NXPH2: variants seen among roughly 807,000 people sequenced by gnomAD.
The protein encoded by NXPH2 is neurexophilin 2, also known as neurexophilin-2.
In NXPH2, 5 loss-of-function variants were observed where a neutral mutation model predicts 19.8. The observed-to-expected ratio is 0.25, with a 90% CI of 0.13 to 0.53. The LOEUF is 0.53. Among genes scored for constraint, NXPH2 ranks in the 20% least tolerant of loss-of-function variants. NXPH2 has a pLI of 0.96. For synonymous variants in NXPH2, 154 were observed against 127.4 expected, an observed-to-expected ratio of 1.21 and a Z score of -1.41; for missense variants, 289 against 322.8, an observed-to-expected ratio of 0.90 and a Z score of 0.80.
chr2:138,728,892 A>T (rs571150966), intron 1 of NXPH2, among the ~76,000 whole-genome samples: 1 of 152,344 alleles, frequency 6.6e-6, no homozygotes, highest in South Asian at 2.1e-4. Flanking sequence ...ATGCAAACAC[A>T]GTCAAAGTTT....
At chr2:138,705,959 C>G (rs771964077) in intron 1 of NXPH2, among the ~76,000 whole-genome samples, 23 of 152,126 alleles carry the variant, frequency 1.5e-4, no homozygotes, top group Non-Finnish European at 7.4e-5. Flanking sequence ...TTCATATTCC[C>G]CATAAAAATG....
chr2:138,734,854 G>A (rs1370812560), intron 1 of NXPH2, among the ~76,000 whole-genome samples: 1 of 152,194 alleles, frequency 6.6e-6, no homozygotes, highest in Non-Finnish European at 1.5e-5. Context: ...AGAATTCAGT[G>A]TAGGGTAAAC....
intron 1 of NXPH2, among the ~76,000 whole-genome samples, chr2:138,763,533 A>G (rs1181343935): frequency 6.6e-6 from 1 of 152,226 alleles, no homozygotes; most frequent in East Asian, 1.9e-4. Context: ...ATTTACTTCC[A>G]AAGGGCAAAC....
At chr2:138,769,636 G>T (rs1682145490) in intron 1 of NXPH2, among the ~76,000 whole-genome samples, 1 of 152,100 alleles carries the variant, frequency 6.6e-6, no homozygotes, top group African/African-American at 2.4e-5. Context: ...TTTTCCCCAT[G>T]TGCACCCAAT....
intron 1 of NXPH2, among the ~76,000 whole-genome samples, chr2:138,714,672 C>A (rs1421423589): frequency 6.6e-6 from 1 of 152,142 alleles, no homozygotes; most frequent in Non-Finnish European, 1.5e-5. Context: ...TCCAAGTCCA[C>A]CTTCTGGGAT....
chr2:138,720,106 A>G (rs1681253849), intron 1 of NXPH2, among the ~76,000 whole-genome samples: 1 of 152,036 alleles, frequency 6.6e-6, no homozygotes, highest in African/African-American at 2.4e-5. Flanking sequence ...TTCTGGGATT[A>G]GATGAAACAT....
chr2:138,737,172 C>T (rs1429515351), intron 1 of NXPH2, among the ~76,000 whole-genome samples: 1 of 152,192 alleles, frequency 6.6e-6, no homozygotes, highest in South Asian at 2.1e-4. Context: ...GCATCCTACT[C>T]CTGGTACCAA....
chr2:138,720,194 C>T (rs953316203), intron 1 of NXPH2, among the ~76,000 whole-genome samples: 8 of 151,580 alleles, frequency 5.3e-5, no homozygotes, highest in African/African-American at 1.5e-4. Context: ...GGTCAATCGC[C>T]ACCACTGGAA....
At chr2:138,699,660 G>A (rs887507512) in intron 1 of NXPH2, among the ~76,000 whole-genome samples, 3 of 152,132 alleles carry the variant, frequency 2.0e-5, no homozygotes, top group East Asian at 1.9e-4. Flanking sequence ...TGCTGGGCCA[G>A]GCTTCTGAGA....
chr2:138,707,746 T>C (rs920423494), intron 1 of NXPH2, among the ~76,000 whole-genome samples: 2 of 152,140 alleles, frequency 1.3e-5, no homozygotes, highest in Non-Finnish European at 2.9e-5. Context: ...CTGGTGGTGG[T>C]GTTCTTTTTG....
Position 138,705,347 on chromosome 2 carries a change from T to C in NXPH2, c.52-33682A>G, listed in dbSNP as rs144336376. On this transcript the variant is annotated intron_variant, in intron 1 of 1. Transcript: ENST00000272641. ...GGAATTCTCATATTAAATATACGTA[T>C]ATTTTAAGTCATGTCTGAGGCATTT... 3.9e-5 allele frequency among the ~76,000 whole-genome samples: 6 copies of C among 152,302 alleles called. No homozygotes were observed. The South Asian group carries it at 8.3e-4, about 21-fold the overall frequency.
At position 138,732,804 on chromosome 2, in the gene NXPH2, T is replaced by C. The variant is rs578154247; in HGVS notation, c.51+47387A>G. On this transcript the variant is annotated intron_variant, in intron 1 of 1. Transcript: ENST00000272641. ...TGTACCTCTTCCTGGTTCCATTCCT[T>C]ATTCTTCCTATTCCACTTTTAGAGG... 3.3e-5 allele frequency among the ~76,000 whole-genome samples: 5 copies of C among 152,330 alleles called. No individual in the cohort carries two copies. In the East Asian group the frequency reaches 5.8e-4, roughly 18 times the overall value.
chr2:138,721,092 A>G (rs897180589), intron 1 of NXPH2, among the ~76,000 whole-genome samples: 7 of 152,162 alleles, frequency 4.6e-5, no homozygotes, highest in Non-Finnish European at 7.3e-5. Flanking sequence ...CTGTAATCCC[A>G]GCACTTTGGG....
chr2:138,671,187 A>G lies in NXPH2; in HGVS notation c.530T>C (p.Leu177Ser), dbSNP rs773141410. 7 of 1,613,948 alleles carry G rather than the reference A, an allele frequency of 4.3e-6. No homozygotes were observed. The highest frequency in any genetic ancestry group is 5.9e-6 in the Non-Finnish European group (7 of 1,179,872). ...VEFEVSPQST[L>S]ETKESKSFNC... ...GAAAGATTTGGATTCCTTGGTCTCC[A>G]AGGTAGACTGGGGGGAAACTTCAAA... Residue 177 changes from leucine (L) to serine (S), a missense_variant, in exon 2 of 2, where the codon TTG becomes TCG. Transcript: ENST00000272641.
At chr2:138,720,767 C>A (rs548871909) in intron 1 of NXPH2, among the ~76,000 whole-genome samples, 1 of 152,282 alleles carries the variant, frequency 6.6e-6, no homozygotes, top group South Asian at 2.1e-4. Flanking sequence ...ATCTTGGGGT[C>A]TCTGAGCTTC....
chr2:138,736,306 A>G (rs1008379228), intron 1 of NXPH2, among the ~76,000 whole-genome samples: 2 of 152,200 alleles, frequency 1.3e-5, no homozygotes, highest in Non-Finnish European at 2.9e-5. Flanking sequence ...AAGCATTTCC[A>G]TACATCCTCT....
At position 138,671,195 on chromosome 2, in the gene NXPH2, C is replaced by T; in HGVS notation, c.522G>A (p.Gln174=). The change falls in exon 2 of 2, where the codon CAG becomes CAA. Residue 174 remains glutamine (Q), a synonymous_variant. Coordinates refer to ENST00000272641, the MANE Select transcript of NXPH2 (RefSeq NM_007226.3). ...TGGATTCCTTGGTCTCCAAGGTAGA[C>T]TGGGGGGAAACTTCAAATTCCACCA... ...SKVVEFEVSP[Q]STLETKESKS... is the part of the protein sequence containing the mutation. The T allele has an allele frequency of 6.2e-7, 1 of 1,613,906 alleles. No individual in the cohort carries two copies. The highest frequency in any genetic ancestry group is 8.5e-7 in the Non-Finnish European group (1 of 1,179,868).
At chr2:138,693,333 T>A (rs1386721890) in intron 1 of NXPH2, among the ~76,000 whole-genome samples, 2 of 152,128 alleles carry the variant, frequency 1.3e-5, no homozygotes, top group African/African-American at 2.4e-5. Context: ...ATTGAAAACA[T>A]AAGCTAAGAC....
chr2:138,756,558 T>A (rs1277168232), intron 1 of NXPH2, among the ~76,000 whole-genome samples: 3 of 152,144 alleles, frequency 2.0e-5, no homozygotes, highest in African/African-American at 7.2e-5. Flanking sequence ...TTTAACTGAA[T>A]TTTTATGAAA....
Sources: allele counts gnomAD v4.1 joint callset (sites outside exome capture counted in the v4.1 genomes callset), GRCh38; gene constraint gnomAD v4.1.1; transcripts MANE v1.5; gene names NCBI Gene and HGNC (gene_info 2026-07-23, HGNC 2026-07-21).